Variants in BRMS1L observed in about 807,000 individuals in gnomAD.
The protein encoded by BRMS1L is breast cancer metastasis-suppressor 1-like protein.
Under a neutral mutation model 50.3 loss-of-function variants are expected in BRMS1L, and 23 were observed. The ratio of observed to expected loss-of-function variants is 0.46; its 90% CI spans 0.33 to 0.65. The LOEUF is 0.65. BRMS1L is among the 30% of genes least tolerant of loss of function. The pLI is 0.02. For missense variants in BRMS1L, 286 were observed against 386.1 expected, an observed-to-expected ratio of 0.74 and a Z score of 2.17; for synonymous variants, 114 against 126.9, an observed-to-expected ratio of 0.90 and a Z score of 0.69.
intron 4 of BRMS1L, among the ~76,000 whole-genome samples, chr14:35,846,786 A>G (rs889709591): frequency 3.3e-5 from 5 of 152,168 alleles, no homozygotes; most frequent in African/African-American, 1.2e-4. Context: ...ATTGTGATAA[A>G]TATTTTGAGG....
intron 4 of BRMS1L, among the ~76,000 whole-genome samples, chr14:35,860,997 C>T (rs1219355381): frequency 6.6e-6 from 1 of 152,162 alleles, no homozygotes; most frequent in Admixed American, 6.5e-5. Context: ...GAGTTAGCCC[C>T]CTTCTTTTCC....
intron 9 of BRMS1L, among the ~76,000 whole-genome samples, chr14:35,869,858 CAAAA>C: frequency 6.6e-6 from 1 of 150,990 alleles, no homozygotes; most frequent in Middle Eastern, 3.4e-3. Context: ...AATAAATAAA[CAAAA>C]AATAAATAAT....
chr14:35,848,421 G>A (rs1414237606), intron 4 of BRMS1L, among the ~76,000 whole-genome samples: 1 of 151,954 alleles, frequency 6.6e-6, no homozygotes, highest in Non-Finnish European at 1.5e-5. Flanking sequence ...GGCTGGCCTT[G>A]AACTCTTGGC....
At position 35,863,900 on chromosome 14, in the gene BRMS1L, A is replaced by T. The variant is rs1476306641; in HGVS notation, c.569A>T (p.Lys190Ile). 4 of 1,614,054 alleles carry T rather than the reference A, an allele frequency of 2.5e-6. No homozygotes were observed. The South Asian group carries it at 4.4e-5, about 18-fold the overall frequency. ...TGGAATGATGAGCTTCAGTCAAGAAAAAAGAGGAAGGATCCTTTCAGTCCT... is the reference window on the plus strand; with the variant it reads ...TGGAATGATGAGCTTCAGTCAAGAATAAAGAGGAAGGATCCTTTCAGTCCT... ...ELWNDELQSR[K>I]KRKDPFSPDK... is the part of the protein sequence containing the mutation. The change falls in exon 6 of 10, where the codon AAA (lysine) becomes ATA (isoleucine). Residue 190 changes from lysine to isoleucine, a missense_variant. Physicochemically the swap from Lys to Ile is moderately radical, Grantham distance 102. Around this residue, in one of 5 missense-constraint regions of BRMS1L, gnomAD observed 160 missense variants for 240.6 expected, o/e 0.66. Transcript: ENST00000216807.
rs778198664 is a variant in BRMS1L at position 35,826,674 on chromosome 14, C to T, written c.142+16C>T. On this transcript the variant is annotated intron_variant, in intron 1 of 9. Transcript: ENST00000216807. ...GATAGCTCAGGTGCGCGACCCACTG[C>T]TGGGACCCTGAGTCCCCGCGCCCAG... is the stretch of plus-strand genomic sequence containing the variant. The T allele has an allele frequency of 1.2e-6, 2 of 1,608,982 alleles. No homozygotes were observed. Among genetic ancestry groups the T allele is most frequent in the South Asian group, 2.2e-5 (2 of 90,274 alleles).
intron 7 of BRMS1L, 86 bp from the exon 8 acceptor site, chr14:35,865,636 A>G (rs1456233429): frequency 3.0e-6 from 3 of 992,058 alleles, no homozygotes. Flanking sequence ...AATCGGTAAT[A>G]TTGTATATAT....
intron 4 of BRMS1L, among the ~76,000 whole-genome samples, chr14:35,852,060 G>T (rs2078218317): frequency 6.6e-6 from 1 of 152,206 alleles, no homozygotes; most frequent in Non-Finnish European, 1.5e-5. Flanking sequence ...GAAGTAATGT[G>T]ATGGTTCCAG....
Position 35,831,428 on chromosome 14 carries a change from G to T in BRMS1L, c.161G>T (p.Cys54Phe), listed in dbSNP as rs1479821524. The T allele has an allele frequency of 6.2e-7, 1 of 1,613,308 alleles. No homozygotes were observed. Among genetic ancestry groups the T allele is most frequent in the African/African-American group, 1.3e-5 (1 of 74,910 alleles). ...TTAACAGAAATGGATGATGAAGACT[G>T]TGAAAGAAGAAGAATGGAATGTTTG... ...GDSSEMDDED[C>F]ERRRMECLDE... is the part of the protein sequence containing the mutation. Residue 54 changes from cysteine to phenylalanine, a missense_variant, in exon 2 of 10, where the codon TGT becomes TTT. Cys to Phe is a radical substitution (Grantham distance 205). Coordinates refer to ENST00000216807, the MANE Select transcript of BRMS1L (RefSeq NM_032352.4).
At chr14:35,833,886 T>C (rs1228782269) in intron 3 of BRMS1L, among the ~76,000 whole-genome samples, 3 of 152,198 alleles carry the variant, frequency 2.0e-5, no homozygotes, top group Non-Finnish European at 2.9e-5. Context: ...AATTTTATTT[T>C]TGAGTGCTTA....
At chr14:35,836,365 G>T (rs2077993334) in intron 4 of BRMS1L, among the ~76,000 whole-genome samples, 1 of 151,950 alleles carries the variant, frequency 6.6e-6, no homozygotes, top group Non-Finnish European at 1.5e-5. Flanking sequence ...TTTGAGACAG[G>T]GTGTCACTCT....
intron 3 of BRMS1L, among the ~76,000 whole-genome samples, chr14:35,833,418 T>C (rs909522484): frequency 1.3e-5 from 2 of 152,140 alleles, no homozygotes; most frequent in Non-Finnish European, 2.9e-5. Flanking sequence ...ACTATCACAT[T>C]TTAATTCCCT....
At chr14:35,845,579 G>A (rs1426648029) in intron 4 of BRMS1L, among the ~76,000 whole-genome samples, 3 of 152,204 alleles carry the variant, frequency 2.0e-5, no homozygotes, top group African/African-American at 7.2e-5. Context: ...GTGTTTGCAA[G>A]TGAGATTTAA....
chr14:35,870,409 G>C lies in BRMS1L; in HGVS notation c.904G>C (p.Asp302His). 6.2e-7 allele frequency: 1 copy of C among 1,609,916 alleles called. No homozygotes were observed. Among genetic ancestry groups the C allele is most frequent in the Non-Finnish European group, 8.5e-7 (1 of 1,178,082 alleles). The change falls in exon 10 of 10, where the codon GAT (aspartate) becomes CAT (histidine). Residue 302 changes from aspartate to histidine, a missense_variant. Coordinates refer to ENST00000216807, the MANE Select transcript of BRMS1L (RefSeq NM_032352.4). Reference sequence around the variant, plus strand: ...TGATGAAGTTTGGTTTAAGAGGCCTGATGGAAGCAAATCTAAGCTTTACAT... The same window carrying C: ...TGATGAAGTTTGGTTTAAGAGGCCTCATGGAAGCAAATCTAAGCTTTACAT... ...NHDEVWFKRP[D>H]GSKSKLYISQ...
At chr14:35,846,622 G>C (rs2078138641) in intron 4 of BRMS1L, among the ~76,000 whole-genome samples, 2 of 152,234 alleles carry the variant, frequency 1.3e-5, no homozygotes, top group South Asian at 2.1e-4. Context: ...TTTGCAACTG[G>C]CAGAAAAATC....
chr14:35,831,395 C>T lies in BRMS1L; in HGVS notation c.143-15C>T, dbSNP rs775223471. ...AAATTAAGTTTATCTTTTATATTTGCCTTTTTATTAACAGAAATGGATGAT... is the reference window on the plus strand; with the variant it reads ...AAATTAAGTTTATCTTTTATATTTGTCTTTTTATTAACAGAAATGGATGAT... On this transcript the variant is annotated splice_polypyrimidine_tract_variant and intron_variant, in intron 1 of 9. Transcript: ENST00000216807. 8.3e-6 allele frequency: 13 copies of T among 1,575,336 alleles called. No individual in the cohort carries two copies. Among genetic ancestry groups the T allele is most frequent in the Non-Finnish European group, 9.6e-6 (11 of 1,146,924 alleles).
chr14:35,826,458 T>C lies in BRMS1L; in HGVS notation c.-59T>C, dbSNP rs983761403. ...GTTGGGGCGTTCCGCGCGCCCTTCA[T>C]TGAAGCGGCGGTGGCCGGGCTGGGC... On this transcript the variant is annotated 5_prime_UTR_variant, in exon 1 of 10. Transcript: ENST00000216807. The C allele has an allele frequency of 2.5e-5, 39 of 1,549,522 alleles. No individual in the cohort carries two copies. Among genetic ancestry groups the C allele is most frequent in the East Asian group, 1.9e-4 (8 of 41,248 alleles).
At chr14:35,845,765 TGGG>T (rs1257653073) in intron 4 of BRMS1L, among the ~76,000 whole-genome samples, 4 of 152,016 alleles carry the variant, frequency 2.6e-5, no homozygotes, top group Admixed American at 2.0e-4. Context: ...TTTTTAGAAT[TGGG>T]GGGTTTTACT....
chr14:35,856,085 C>T (rs1952186), intron 4 of BRMS1L, among the ~76,000 whole-genome samples: 4,634 of 152,118 alleles, frequency 0.03, 192 homozygotes, highest in African/African-American at 0.089. Flanking sequence ...GCAAGGGAAG[C>T]GGAAAGAAGG....
chr14:35,855,578 C>T (rs1482402706), intron 4 of BRMS1L, among the ~76,000 whole-genome samples: 1 of 152,056 alleles, frequency 6.6e-6, no homozygotes, highest in East Asian at 1.9e-4. Context: ...CTTTGAAAGC[C>T]ATAGAGATGC....
Sources: gnomAD v4.1 joint callset for allele counts (sites outside exome capture counted in the v4.1 genomes callset) on GRCh38, gnomAD v4.1.1 for gene constraint, gnomAD v4.1.1 regional missense constraint, MANE v1.5 for transcripts, NCBI Gene and HGNC (gene_info 2026-07-23, HGNC 2026-07-21) for gene names.